EIF5B: variants seen among roughly 807,000 people sequenced by gnomAD.
EIF5B encodes eukaryotic translation initiation factor 5B.
EIF5B carries 47 observed loss-of-function variants against 147.5 expected under a neutral mutation model. That is an observed-to-expected ratio of 0.32 (90% CI 0.25 to 0.41). The LOEUF is 0.41. Among genes scored for constraint, EIF5B ranks in the 10% least tolerant of loss-of-function variants. EIF5B has a pLI of 1.00. For synonymous variants in EIF5B, 455 were observed against 456.2 expected, an observed-to-expected ratio of 1.00 and a Z score of 0.03; for missense variants, 1,064 against 1,413.2, an observed-to-expected ratio of 0.75 and a Z score of 3.96.
At chr2:99,369,553 T>C in intron 8 of EIF5B, 72 bp downstream of exon 8, 5 of 1,276,504 alleles carry the variant, frequency 3.9e-6, no homozygotes, top group Non-Finnish European at 5.4e-6. Context: ...TAAGTTGTCT[T>C]AGTTATTATA....
intron 12 of EIF5B, among the ~76,000 whole-genome samples, chr2:99,381,406 A>T (rs1162629390): frequency 1.3e-5 from 2 of 152,178 alleles, no homozygotes; most frequent in Non-Finnish European, 2.9e-5. Flanking sequence ...CAGAATGCGG[A>T]TCTGAAATGT....
intron 1 of EIF5B, chr2:99,340,700 T>C (rs948997896): frequency 2.6e-5 from 4 of 152,244 alleles, no homozygotes; most frequent in African/African-American, 9.6e-5. Context: ...TATTCTTGTC[T>C]GTGTATTTTT....
At chr2:99,388,031 A>G (rs1674847620) in intron 14 of EIF5B, among the ~76,000 whole-genome samples, 1 of 152,154 alleles carries the variant, frequency 6.6e-6, no homozygotes, top group Non-Finnish European at 1.5e-5. Context: ...CATGTTGGAC[A>G]TATTTTTCTG....
At chr2:99,397,461 G>T (rs1675078291) in intron 22 of EIF5B, 2 of 151,946 alleles carry the variant, frequency 1.3e-5, no homozygotes, top group South Asian at 4.2e-4. Context: ...TTGTTTTGTG[G>T]CTGAGCCTCA....
Position 99,337,547 on chromosome 2 carries a change from G to A in EIF5B, c.-8G>A. 1.2e-6 allele frequency: 2 copies of A among 1,612,754 alleles called. No homozygotes were observed. The highest frequency in any genetic ancestry group is 1.7e-6 in the Non-Finnish European group (2 of 1,179,398). ...AGGGGCTGGGGCCACGAGCGCCATT[G>A]ACAAGCAATGGGGAAGAAACAGAAA... On this transcript the variant is annotated 5_prime_UTR_variant, in exon 1 of 24. Transcript: ENST00000289371.
At chr2:99,358,938 A>C (rs1405302859) in intron 1 of EIF5B, among the ~76,000 whole-genome samples, 1 of 152,210 alleles carries the variant, frequency 6.6e-6, no homozygotes, top group African/African-American at 2.4e-5. Flanking sequence ...ACATTTTGCA[A>C]TTTGGGGTTT....
intron 3 of EIF5B, 131 bp downstream of exon 3, chr2:99,360,680 C>G (rs957176997): frequency 1.1e-5 from 9 of 785,174 alleles, no homozygotes; most frequent in Non-Finnish European, 1.5e-5. Context: ...TCTATGAAAT[C>G]TGATGTCAAA....
intron 1 of EIF5B, among the ~76,000 whole-genome samples, chr2:99,354,439 C>A (rs2105340744): frequency 6.6e-6 from 1 of 152,126 alleles, no homozygotes; most frequent in South Asian, 2.1e-4. Flanking sequence ...AGTTGTTAAT[C>A]CTTGTGATTT....
intron 12 of EIF5B, among the ~76,000 whole-genome samples, chr2:99,381,717 T>C (rs558075340): frequency 3.9e-5 from 6 of 152,266 alleles, no homozygotes; most frequent in Non-Finnish European, 7.4e-5. Context: ...ACACTTTTGA[T>C]CAATGTGGTA....
At chr2:99,337,700 G>A in intron 1 of EIF5B, 111 bp downstream of exon 1, 1 of 1,368,084 alleles carries the variant, frequency 7.3e-7, no homozygotes, top group Non-Finnish European at 9.8e-7. Context: ...GAGCTTCGCG[G>A]GGTACCAGGC....
In EIF5B at chr2:99,398,773, G is replaced by A; in HGVS notation, c.3419G>A (p.Ser1140Asn). The stretch of plus-strand genomic sequence containing the variant: ...TTTGTTGACATCGGAATAGTAACAA[G>A]TATTGAAATAAACCATAAACAAGTG... Reference protein sequence around the residue: ...KNFVDIGIVTSIEINHKQVDV... With the variant: ...KNFVDIGIVTNIEINHKQVDV... The change falls in exon 23 of 24, where the codon AGT becomes AAT. Residue 1140 changes from serine (S) to asparagine (N), a missense_variant. Around this residue, in one of 4 missense-constraint regions of EIF5B, gnomAD observed 380 missense variants for 715.6 expected, o/e 0.53. Coordinates refer to ENST00000289371, the MANE Select transcript of EIF5B (RefSeq NM_015904.4). The A allele has an allele frequency of 6.2e-7, 1 of 1,613,426 alleles. No individual in the cohort carries two copies. Among genetic ancestry groups the A allele is most frequent in the Non-Finnish European group, 8.5e-7 (1 of 1,179,750 alleles).
rs763727944 is a variant in EIF5B at position 99,390,360 on chromosome 2, A to G, written c.2545A>G (p.Arg849Gly). 1 of 1,613,540 alleles carries G rather than the reference A, an allele frequency of 6.2e-7. No homozygotes were observed. The highest frequency in any genetic ancestry group is 1.1e-5 in the South Asian group (1 of 91,040). ...GTTAACTCAGACCATGTTGAGCAAG[A>G]GACTTGCACACTGTGAAGAGCTGAG... The part of the protein sequence containing the change: ...VELTQTMLSK[R>G]LAHCEELRAQ... Residue 849 changes from arginine (R) to glycine (G), a missense_variant, in exon 16 of 24, where the codon AGA becomes GGA. This residue lies in a region of EIF5B where 380 missense variants were observed against 715.6 expected (regional missense o/e 0.53). Transcript: ENST00000289371.
chr2:99,394,654 A>AT, intron 20 of EIF5B, 65 bp from the exon 21 acceptor site: 1 of 1,611,396 alleles, frequency 6.2e-7, no homozygotes. Context: ...CTATCTTAAA[A>AT]AACTGTCCTC....
chr2:99,355,611 T>G (rs954154697), intron 1 of EIF5B, among the ~76,000 whole-genome samples: 6 of 13,856 alleles, frequency 4.3e-4, no homozygotes, highest in African/African-American at 6.2e-4. Flanking sequence ...GTTTTTTGGG[T>G]TTTTTTTTTT....
intron 5 of EIF5B, among the ~76,000 whole-genome samples, 190 bp downstream of exon 5, chr2:99,364,052 T>C (rs1157563646): frequency 6.6e-6 from 1 of 152,230 alleles, no homozygotes; most frequent in African/African-American, 2.4e-5. Context: ...CAAGAACAGA[T>C]TGCTCGATAC....
intron 14 of EIF5B, among the ~76,000 whole-genome samples, chr2:99,388,239 C>T (rs1290812024): frequency 6.6e-6 from 1 of 152,094 alleles, no homozygotes; most frequent in Non-Finnish European, 1.5e-5. Context: ...CTTATAAATG[C>T]AGTTATGTTT....
chr2:99,399,861 A>AT lies in EIF5B; in HGVS notation c.*452dup, dbSNP rs1477703717. 3 of 155,072 alleles carry AT rather than the reference A, an allele frequency of 1.9e-5. No homozygotes were observed. The highest frequency in any genetic ancestry group is 4.3e-5 in the Non-Finnish European group (3 of 69,478). The allele number at this position is 155,072 out of a possible 1,614,324, so 9.6% of individuals were successfully genotyped here. On this transcript the variant is annotated 3_prime_UTR_variant, in exon 24 of 24. Coordinates refer to ENST00000289371, the MANE Select transcript of EIF5B (RefSeq NM_015904.4). ...ATTTATGCATATTCTTCCCACAGTG[A>AT]TTTTTCCAGCATTCTTCTGCCATAT...
intron 12 of EIF5B, 118 bp from the exon 13 acceptor site, chr2:99,382,041 A>C (rs1674700414): frequency 1.4e-6 from 1 of 734,506 alleles, no homozygotes; most frequent in Non-Finnish European, 2.2e-6. Context: ...TTCTAAAGCC[A>C]TTTATATGGA....
intron 1 of EIF5B, among the ~76,000 whole-genome samples, chr2:99,358,815 C>T (rs1260628754): frequency 5.9e-5 from 9 of 152,140 alleles, no homozygotes; most frequent in Non-Finnish European, 1.3e-4. Flanking sequence ...GAAGTCACCA[C>T]CACTGCAGCA....
Sources: gnomAD v4.1 joint callset for allele counts (sites outside exome capture counted in the v4.1 genomes callset) on GRCh38, gnomAD v4.1.1 for gene constraint, gnomAD v4.1.1 regional missense constraint, MANE v1.5 for transcripts, NCBI Gene and HGNC (gene_info 2026-07-23, HGNC 2026-07-21) for gene names.